Variants in PRLR observed in about 807,000 individuals in gnomAD.
PRLR encodes the protein hPRL receptor.
Under a neutral mutation model 40.2 loss-of-function variants are expected in PRLR, and 13 were observed. The observed-to-expected ratio is 0.32, with a 90% CI of 0.21 to 0.51. The LOEUF (loss-of-function observed/expected upper bound fraction) is 0.51, where lower values mean the gene tolerates loss of function less well. Ranked by LOEUF, PRLR falls within the 20% of genes least tolerant of loss-of-function variation. The pLI, the probability that PRLR is intolerant of heterozygous loss-of-function variation, is 0.97. For missense variants in PRLR, 656 were observed against 747.3 expected (o/e 0.88, Z 1.42); for synonymous variants, 269 against 278.7 (o/e 0.97, Z 0.35).
chr5:35,051,999 G>A (rs1215243677), downstream of PRLR, among the ~76,000 whole-genome samples: 3 of 152,132 alleles, frequency 2.0e-5, no homozygotes, highest in African/African-American at 7.2e-5. Flanking sequence ...AATTTATTTG[G>A]AGGATTGAAC....
chr5:35,091,854 A>T (rs983170767), intron 2 of PRLR, among the ~76,000 whole-genome samples: 3 of 152,228 alleles, frequency 2.0e-5, no homozygotes, highest in Admixed American at 2.0e-4. Context: ...CTTAGAGATG[A>T]GAGTCTATCC....
chr5:35,104,873 G>T (rs577093641), intron 2 of PRLR, among the ~76,000 whole-genome samples: 1 of 152,280 alleles, frequency 6.6e-6, no homozygotes, highest in East Asian at 1.9e-4. Flanking sequence ...AGAAAGTAGT[G>T]GTTCTCCCAC....
intron 1 of PRLR, among the ~76,000 whole-genome samples, chr5:35,144,292 G>A (rs1364127014): frequency 2.6e-5 from 4 of 152,156 alleles, no homozygotes; most frequent in Non-Finnish European, 5.9e-5. Flanking sequence ...TTGGGGTATT[G>A]TAGAACATTC....
At chr5:35,204,529 C>T (rs563087766) in intron 1 of PRLR, among the ~76,000 whole-genome samples, 14 of 152,244 alleles carry the variant, frequency 9.2e-5, no homozygotes, top group African/African-American at 3.4e-4. Flanking sequence ...AAAGACACTC[C>T]TACCTTACCA....
intron 1 of PRLR, among the ~76,000 whole-genome samples, chr5:35,160,867 C>G (rs1045389371): frequency 2.6e-5 from 4 of 152,186 alleles, no homozygotes; most frequent in Non-Finnish European, 5.9e-5. Context: ...CCACCTCTTC[C>G]CCTAAACTGT....
At position 35,141,236 on chromosome 5, in the gene PRLR, G is replaced by GA. The variant is rs368097359; in HGVS notation, c.-105-23115dup. On this transcript the variant is annotated intron_variant, in intron 1 of 9. Coordinates refer to ENST00000618457, the MANE Select transcript of PRLR (RefSeq NM_000949.7). ...CTTACATCTGGATTCCTTAATACCTGAAAAAAAAAAACAAACCCCTAATGT... is the reference window on the plus strand; with the variant it reads ...CTTACATCTGGATTCCTTAATACCTGAAAAAAAAAAAACAAACCCCTAATGT... Among the ~76,000 whole-genome samples, 508 of 141,230 alleles carry GA rather than the reference G, an allele frequency of 3.6e-3. 3 individuals carry two copies. The highest frequency in any genetic ancestry group is 0.012 in the East Asian group (60 of 4,860). The allele number at this position is 141,230 out of a possible 152,430, so 92.7% of individuals were successfully genotyped here. A position where few individuals can be genotyped will look rare whatever the true frequency, so the allele number is the denominator to read the frequency against.
intron 1 of PRLR, among the ~76,000 whole-genome samples, chr5:35,140,913 GA>G (rs1284422247): frequency 1.3e-5 from 2 of 151,786 alleles, no homozygotes; most frequent in African/African-American, 2.4e-5. Flanking sequence ...GTACCCAACT[GA>G]AAAAAAAGAA....
intron 2 of PRLR, among the ~76,000 whole-genome samples, chr5:35,113,431 A>T (rs1302716667): frequency 7.0e-6 from 1 of 142,200 alleles, no homozygotes; most frequent in African/African-American, 2.7e-5. Context: ...CCACCCATCC[A>T]TCCACCCACC....
downstream of PRLR, among the ~76,000 whole-genome samples, chr5:35,051,712 G>T (rs1337775808): frequency 1.3e-5 from 2 of 151,758 alleles, no homozygotes; most frequent in East Asian, 3.9e-4. Flanking sequence ...ATGAAGGAAG[G>T]GTGCATCAAA....
intron 1 of PRLR, among the ~76,000 whole-genome samples, chr5:35,128,705 TC>T (rs1408720178): frequency 6.6e-6 from 1 of 152,186 alleles, no homozygotes; most frequent in Non-Finnish European, 1.5e-5. Flanking sequence ...TAATATTCTT[TC>T]ATGTTCAGCA....
At chr5:35,204,173 G>A (rs1247518286) in intron 1 of PRLR, among the ~76,000 whole-genome samples, 2 of 149,868 alleles carry the variant, frequency 1.3e-5, no homozygotes, top group African/African-American at 4.9e-5. Flanking sequence ...ATGTTGCGCC[G>A]TTGTATTCCA....
At chr5:35,090,207 G>T (rs115497743) in intron 2 of PRLR, among the ~76,000 whole-genome samples, 1 of 152,094 alleles carries the variant, frequency 6.6e-6, no homozygotes, top group Non-Finnish European at 1.5e-5. Context: ...ACCGCAAAGC[G>T]AACCACACAA....
At chr5:35,174,586 G>A (rs1460054132) in intron 1 of PRLR, among the ~76,000 whole-genome samples, 2 of 152,122 alleles carry the variant, frequency 1.3e-5, no homozygotes, top group East Asian at 3.8e-4. Context: ...TGAATTAGAT[G>A]CTGTCCTTTG....
At chr5:35,145,191 G>A (rs544512763) in intron 1 of PRLR, among the ~76,000 whole-genome samples, 50 of 152,126 alleles carry the variant, frequency 3.3e-4, no homozygotes, top group Admixed American at 5.9e-4. Context: ...GGGCACAGGA[G>A]CCTTCTGACT....
intron 1 of PRLR, among the ~76,000 whole-genome samples, chr5:35,204,710 C>A (rs551111332): frequency 6.6e-6 from 1 of 152,220 alleles, no homozygotes; most frequent in East Asian, 1.9e-4. Flanking sequence ...AACCCACCAG[C>A]CTTACACATG....
intron 2 of PRLR, among the ~76,000 whole-genome samples, chr5:35,108,506 C>A (rs1772426449): frequency 6.6e-6 from 1 of 152,152 alleles, no homozygotes; most frequent in African/African-American, 2.4e-5. Flanking sequence ...TGATAAGCAA[C>A]TTCAGCAAAG....
chr5:35,108,737 C>T (rs115798529), intron 2 of PRLR, among the ~76,000 whole-genome samples: 17,946 of 152,194 alleles, frequency 0.12, 2,160 homozygotes, highest in African/African-American at 0.31. Flanking sequence ...AATGGAAGAA[C>T]ATGCCATGCT....
At chr5:35,131,593 G>A (rs1314113668) in intron 1 of PRLR, among the ~76,000 whole-genome samples, 2 of 152,184 alleles carry the variant, frequency 1.3e-5, no homozygotes, top group African/African-American at 2.4e-5. Flanking sequence ...CTGATCCCCT[G>A]TATGGCCCAC....
At chr5:35,092,027 A>C (rs1167775414) in intron 2 of PRLR, among the ~76,000 whole-genome samples, 1 of 152,196 alleles carries the variant, frequency 6.6e-6, no homozygotes, top group Non-Finnish European at 1.5e-5. Flanking sequence ...TGCGTTTTGC[A>C]AAAGAAACTC....
Sources: allele counts gnomAD v4.1 joint callset (sites outside exome capture counted in the v4.1 genomes callset), GRCh38; gene constraint gnomAD v4.1.1; transcripts MANE v1.5; gene names NCBI Gene and HGNC (gene_info 2026-07-23, HGNC 2026-07-21).